The following NF1 variants were observed in gnomAD, a reference collection of about 807,000 sequenced individuals.
The protein encoded by NF1 is neurofibromin 1, also known as neurofibromin.
A neutral mutation model predicts 325.7 loss-of-function variants in NF1; 122 were observed. That is an observed-to-expected ratio of 0.37 (90% CI 0.32 to 0.44). The LOEUF is 0.44. NF1 is among the 20% of genes least tolerant of loss of function. The probability of loss-of-function intolerance (pLI) is 1.00; values close to 1 mark genes in which losing one functional copy is unlikely to be tolerated. For missense variants in NF1, 2,140 were observed against 3,415.4 expected (o/e 0.63, Z 9.31); for synonymous variants, 1,091 against 1,186.0 (o/e 0.92, Z 1.65).
intron 8 of NF1, among the ~76,000 whole-genome samples, chr17:31,192,983 T>A (rs180694063): frequency 6.6e-6 from 1 of 152,308 alleles, no homozygotes; most frequent in Admixed American, 6.5e-5. Context: ...CTGATTTAAT[T>A]ACGAATCCCA....
intron 30 of NF1, chr17:31,249,986 C>T (rs1009815980): frequency 8.1e-6 from 4 of 493,342 alleles, no homozygotes; most frequent in South Asian, 3.1e-5. Context: ...TTTTAGCACA[C>T]GGCTTCAGTT....
At chr17:31,103,833 A>G (rs1406582553) in intron 1 of NF1, among the ~76,000 whole-genome samples, 2 of 152,144 alleles carry the variant, frequency 1.3e-5, no homozygotes, top group Non-Finnish European at 2.9e-5. Flanking sequence ...AAATAAAAAA[A>G]AAATCAGCCA....
rs756823393 is a variant in NF1, at chr17:31,305,363, G to A, written c.4836-20457G>A. ...TTTTCAGAAGAGGTATAGACAGCTGGTGTTGGTTGTCCAGCAGTGACTTTG... is the reference window on the plus strand; with the variant it reads ...TTTTCAGAAGAGGTATAGACAGCTGATGTTGGTTGTCCAGCAGTGACTTTG... On this transcript the variant is annotated intron_variant, in intron 36 of 57. Coordinates refer to ENST00000358273, the MANE Select transcript of NF1 (RefSeq NM_001042492.3). The A allele has an allele frequency of 1.9e-6, 3 of 1,614,014 alleles. No individual in the cohort carries two copies. Among genetic ancestry groups the A allele is most frequent in the African/African-American group, 2.7e-5 (2 of 74,896 alleles).
chr17:31,371,236 C>A (rs1304319006), intron 57 of NF1, among the ~76,000 whole-genome samples: 1 of 151,994 alleles, frequency 6.6e-6, no homozygotes, highest in Non-Finnish European at 1.5e-5. Flanking sequence ...TGATCTTTAC[C>A]CTTCTCAGTG....
At chr17:31,176,733 C>T (rs997431249) in intron 5 of NF1, among the ~76,000 whole-genome samples, 3 of 152,150 alleles carry the variant, frequency 2.0e-5, no homozygotes, top group Non-Finnish European at 4.4e-5. Flanking sequence ...TATGGCTAGC[C>T]AGTTTTGCCA....
At chr17:31,313,889 C>CA (rs1320665307) in intron 36 of NF1, 6 of 394,156 alleles carry the variant, frequency 1.5e-5, no homozygotes, top group Non-Finnish European at 1.8e-5. Context: ...TTTAGACTAT[C>CA]AGAGTTTAAG....
chr17:31,096,369 G>GA (rs1198616986), intron 1 of NF1, among the ~76,000 whole-genome samples: 1 of 151,710 alleles, frequency 6.6e-6, no homozygotes, highest in Non-Finnish European at 1.5e-5. Context: ...TATTTGGGAT[G>GA]AAAAAAAAGT....
intron 4 of NF1, 137 bp downstream of exon 4, chr17:31,163,513 C>A: frequency 1.2e-6 from 1 of 836,416 alleles, no homozygotes; most frequent in Non-Finnish European, 1.9e-6. Context: ...CCCCTCACAG[C>A]AGCTTTGACC....
chr17:31,296,563 C>A, intron 36 of NF1: 1 of 529,590 alleles, frequency 1.9e-6, no homozygotes, highest in Non-Finnish European at 3.4e-6. Flanking sequence ...CTACTCTCTC[C>A]TGCATTTTCT....
intron 36 of NF1, chr17:31,318,823 A>G (rs1469839081): frequency 1.2e-6 from 2 of 1,613,864 alleles, no homozygotes; most frequent in Non-Finnish European, 1.7e-6. Flanking sequence ...TTCAGGAGTT[A>G]TAGGGTTTGT....
At chr17:31,296,645 A>G in intron 36 of NF1, 1 of 327,976 alleles carries the variant, frequency 3.0e-6, no homozygotes, top group Non-Finnish European at 5.8e-6. Flanking sequence ...GAGCCTTAAT[A>G]TGATAAAATA....
intron 12 of NF1, 105 bp downstream of exon 12, chr17:31,206,476 G>A: frequency 4.6e-6 from 6 of 1,302,796 alleles, no homozygotes; most frequent in Non-Finnish European, 6.7e-6. Context: ...AATTGAATGG[G>A]TCCTTCATTT....
intron 50 of NF1, 98 bp downstream of exon 50, chr17:31,350,416 G>T: frequency 9.6e-7 from 1 of 1,043,500 alleles, no homozygotes. Context: ...AAGGTAACAT[G>T]GGAGAAATCT....
intron 1 of NF1, among the ~76,000 whole-genome samples, chr17:31,099,917 C>T (rs1346754834): frequency 6.6e-6 from 1 of 150,720 alleles, no homozygotes; most frequent in Non-Finnish European, 1.5e-5. Flanking sequence ...TTAGAACCTT[C>T]TGTGTATCTC....
chr17:31,340,677 T>G, intron 47 of NF1, 32 bp downstream of exon 47: 2 of 1,608,190 alleles, frequency 1.2e-6, no homozygotes, highest in African/African-American at 1.3e-5. Context: ...GTTCCTAGAT[T>G]ACTCAAATTT....
chr17:31,214,358 T>A lies in NF1; in HGVS notation c.1393-93T>A, dbSNP rs2066782965. Reference sequence around the variant, plus strand: ...TTGGTAGTATAAAAAATAGCTTTTTTCAAAGGTTTTTAATAATAAATTTCT... The same window carrying A: ...TTGGTAGTATAAAAAATAGCTTTTTACAAAGGTTTTTAATAATAAATTTCT... On this transcript the variant is annotated intron_variant, in intron 12 of 57. Transcript: ENST00000358273. 3.9e-6 allele frequency: 4 copies of A among 1,036,526 alleles called. No individual in the cohort carries two copies. The Admixed American group carries it at 9.5e-5, about 25-fold the overall frequency. 64.2% of individuals were successfully genotyped at this position (1,036,526 alleles called of 1,614,324 possible).
intron 1 of NF1, among the ~76,000 whole-genome samples, chr17:31,146,409 G>GTCCATCCATCCA (rs112178514): frequency 2.4e-4 from 35 of 148,630 alleles, no homozygotes; most frequent in Admixed American, 1.9e-3. Context: ...TAATCTGTCT[G>GTCCATCCATCCA]TCCATCCATC....
chr17:31,302,269 A>G (rs1188103343), intron 36 of NF1, among the ~76,000 whole-genome samples: 1 of 152,222 alleles, frequency 6.6e-6, no homozygotes, highest in African/African-American at 2.4e-5. Context: ...TGGTCAGCTA[A>G]TCAGCTCCCG....
chr17:31,172,974 G>T (rs2065956619), intron 5 of NF1, among the ~76,000 whole-genome samples: 1 of 152,052 alleles, frequency 6.6e-6, no homozygotes, highest in Non-Finnish European at 1.5e-5. Context: ...ATGGGGACCA[G>T]TTTGATAGGT....
Sources: gnomAD v4.1 joint callset for allele counts (sites outside exome capture counted in the v4.1 genomes callset) on GRCh38, gnomAD v4.1.1 for gene constraint, MANE v1.5 for transcripts, NCBI Gene and HGNC (gene_info 2026-07-23, HGNC 2026-07-21) for gene names.